Variants in RBFOX1 observed in about 807,000 individuals in gnomAD.
The protein encoded by RBFOX1 is RNA binding fox-1 homolog 1.
In RBFOX1, 8 loss-of-function variants were observed where a neutral mutation model predicts 57.7. The observed-to-expected ratio is 0.14, with a 90% CI of 0.08 to 0.25. The LOEUF is 0.25. Ranked by LOEUF, RBFOX1 falls within the 10% of genes least tolerant of loss-of-function variation. RBFOX1 has a pLI of 1.00. For missense variants in RBFOX1, 611 were observed against 548.5 expected (o/e 1.11, Z -1.14); for synonymous variants, 326 against 222.4 (o/e 1.47, Z -4.15).
intron 4 of RBFOX1, among the ~76,000 whole-genome samples, chr16:7,509,753 T>C (rs1325206810): frequency 6.6e-6 from 1 of 152,136 alleles, no homozygotes; most frequent in Non-Finnish European, 1.5e-5. Context: ...CTCTTTAAAC[T>C]TTTTTCATCC....
At position 6,598,999 on chromosome 16, in the gene RBFOX1, C is replaced by T. The variant is rs147319453; in HGVS notation, c.-63-55604C>T. ...TCTGTTTCCCATCCCAGTGTCAGCA[C>T]GTAAGGTGACAACTGACAAGATCTG... On this transcript the variant is annotated intron_variant, in intron 2 of 15. Coordinates refer to ENST00000550418, the MANE Select transcript of RBFOX1 (RefSeq NM_018723.4). 1.3e-3 allele frequency among the ~76,000 whole-genome samples: 202 copies of T among 152,110 alleles called. 2 individuals carry two copies. Among genetic ancestry groups the T allele is most frequent in the African/African-American group, 4.7e-3 (194 of 41,494 alleles).
chr16:7,469,510 T>A (rs1028887487), intron 4 of RBFOX1, among the ~76,000 whole-genome samples: 1 of 152,206 alleles, frequency 6.6e-6, no homozygotes, highest in African/African-American at 2.4e-5. Flanking sequence ...TATCTCAGCT[T>A]GCATGTGGCA....
At chr16:5,759,124 T>C (rs2053500406) in intron 3 of RBFOX1, among the ~76,000 whole-genome samples, 1 of 152,202 alleles carries the variant, frequency 6.6e-6, no homozygotes, top group Non-Finnish European at 1.5e-5. Context: ...TTCTTCACTT[T>C]CCTTTTGATG....
At chr16:5,701,250 A>G (rs1255124809) in intron 3 of RBFOX1, among the ~76,000 whole-genome samples, 1 of 152,230 alleles carries the variant, frequency 6.6e-6, no homozygotes, top group Non-Finnish European at 1.5e-5. Context: ...GTTTCTTCAT[A>G]CTTGAAGCTA....
At chr16:7,426,064 A>G (rs2098608025) in intron 4 of RBFOX1, among the ~76,000 whole-genome samples, 1 of 152,212 alleles carries the variant, frequency 6.6e-6, no homozygotes, top group Non-Finnish European at 1.5e-5. Context: ...CACTATTAAT[A>G]GAAAGGCTTA....
At chr16:6,767,770 C>G (rs1005728574) in intron 3 of RBFOX1, among the ~76,000 whole-genome samples, 2 of 151,636 alleles carry the variant, frequency 1.3e-5, no homozygotes, top group African/African-American at 2.4e-5. Flanking sequence ...AAAAATTAGC[C>G]AGGCATGGTG....
chr16:5,603,953 C>A (rs946604741), downstream of RBFOX1, among the ~76,000 whole-genome samples: 1 of 148,002 alleles, frequency 6.8e-6, no homozygotes, highest in African/African-American at 2.5e-5. Flanking sequence ...CCAAGGCAGA[C>A]ATTACTAAGC....
At chr16:6,321,425 C>T (rs758534976) in intron 2 of RBFOX1, among the ~76,000 whole-genome samples, 3 of 152,158 alleles carry the variant, frequency 2.0e-5, no homozygotes, top group Non-Finnish European at 4.4e-5. Context: ...TTGCTACTGT[C>T]TCAAGCCCCA....
At chr16:5,883,917 C>T (rs7205085) in intron 4 of RBFOX1, among the ~76,000 whole-genome samples, 58,294 of 151,944 alleles carry the variant, frequency 0.38, 11,622 homozygotes, top group African/African-American at 0.49. Flanking sequence ...AACACATTAT[C>T]TTGTTGATTG....
At chr16:6,494,935 T>C (rs537266526) in intron 2 of RBFOX1, among the ~76,000 whole-genome samples, 11 of 152,208 alleles carry the variant, frequency 7.2e-5, no homozygotes, top group Non-Finnish European at 1.6e-4. Flanking sequence ...CTAACTCATT[T>C]GTCCTCAGAG....
chr16:6,830,454 C>G (rs1191864877), intron 3 of RBFOX1, among the ~76,000 whole-genome samples: 6 of 152,042 alleles, frequency 3.9e-5, no homozygotes, highest in Non-Finnish European at 8.8e-5. Flanking sequence ...AGAGGAAGAC[C>G]TTAGAAAAAT....
At chr16:7,253,501 T>C (rs941911292) in intron 4 of RBFOX1, among the ~76,000 whole-genome samples, 1 of 152,196 alleles carries the variant, frequency 6.6e-6, no homozygotes, top group African/African-American at 2.4e-5. Context: ...ATCATTGACC[T>C]TGTCATCACT....
At chr16:7,542,810 A>G (rs1419783586) in intron 5 of RBFOX1, among the ~76,000 whole-genome samples, 3 of 58,626 alleles carry the variant, frequency 5.1e-5, no homozygotes, top group Non-Finnish European at 9.6e-5. Flanking sequence ...AGACTGTCTG[A>G]GGAAAAAAAA....
intron 7 of RBFOX1, among the ~76,000 whole-genome samples, chr16:7,590,502 C>T (rs1209367140): frequency 1.3e-5 from 2 of 152,032 alleles, no homozygotes; most frequent in Non-Finnish European, 2.9e-5. Context: ...CCAACCATCT[C>T]GTTTACCTCT....
intron 4 of RBFOX1, among the ~76,000 whole-genome samples, chr16:7,056,764 T>G (rs1254766117): frequency 6.6e-6 from 1 of 152,126 alleles, no homozygotes; most frequent in East Asian, 1.9e-4. Flanking sequence ...CGAGCTTAGT[T>G]AGAAAACTAC....
At chr16:7,511,243 C>T (rs1369923870) in intron 4 of RBFOX1, among the ~76,000 whole-genome samples, 3 of 152,124 alleles carry the variant, frequency 2.0e-5, no homozygotes, top group Non-Finnish European at 2.9e-5. Context: ...AATTTTGAGC[C>T]AAAAGGTTTT....
chr16:6,043,470 G>A (rs2095463307), intron 1 of RBFOX1, among the ~76,000 whole-genome samples: 2 of 152,288 alleles, frequency 1.3e-5, no homozygotes, highest in South Asian at 4.2e-4. Flanking sequence ...GGTTGGAATT[G>A]GGTATCTTAT....
chr16:7,337,769 C>G (rs1238241246), intron 4 of RBFOX1, among the ~76,000 whole-genome samples: 1 of 152,184 alleles, frequency 6.6e-6, no homozygotes, highest in Non-Finnish European at 1.5e-5. Context: ...ATTGCAACCT[C>G]CACCTCCCAG....
At chr16:7,070,015 CT>C (rs562533070) in intron 4 of RBFOX1, among the ~76,000 whole-genome samples, 18 of 152,272 alleles carry the variant, frequency 1.2e-4, no homozygotes, top group African/African-American at 4.3e-4. Flanking sequence ...CATCATCATC[CT>C]TTTGCCATCA....
Sources: gnomAD v4.1 joint callset for allele counts (sites outside exome capture counted in the v4.1 genomes callset) on GRCh38, gnomAD v4.1.1 for gene constraint, MANE v1.5 for transcripts, NCBI Gene and HGNC (gene_info 2026-07-23, HGNC 2026-07-21) for gene names.